RBMS3: variants seen among roughly 807,000 people sequenced by gnomAD.
RBMS3 encodes RNA-binding motif, single-stranded-interacting protein 3.
A neutral mutation model predicts 66.8 loss-of-function variants in RBMS3; 27 were observed. That is an observed-to-expected ratio of 0.40 (90% CI 0.30 to 0.56). The LOEUF is 0.56. Among genes scored for constraint, RBMS3 ranks in the 20% least tolerant of loss-of-function variants. The pLI, the probability that RBMS3 is intolerant of heterozygous loss-of-function variation, is 0.40. For synonymous variants in RBMS3, 188 were observed against 183.0 expected (o/e 1.03, Z -0.22); for missense variants, 513 against 549.5 (o/e 0.93, Z 0.66).
At chr3:29,553,070 C>T (rs183433437) in intron 3 of RBMS3, among the ~76,000 whole-genome samples, 198 of 152,254 alleles carry the variant, frequency 1.3e-3, no homozygotes, top group Non-Finnish European at 2.2e-3. Flanking sequence ...GCATTAAGTA[C>T]GTTCATATCT....
At chr3:29,992,450 G>A (rs928683325) in intron 14 of RBMS3, among the ~76,000 whole-genome samples, 1 of 152,120 alleles carries the variant, frequency 6.6e-6, no homozygotes, top group Non-Finnish European at 1.5e-5. Context: ...AGCTGGGCAT[G>A]GTGGCGGGTG....
intron 1 of RBMS3, among the ~76,000 whole-genome samples, chr3:29,291,779 G>T (rs192146428): frequency 3.3e-5 from 5 of 151,594 alleles, no homozygotes; most frequent in Non-Finnish European, 7.4e-5. Context: ...GAGAATCTAC[G>T]TGCCTTTTAA....
At chr3:29,697,070 CT>C (rs2052313980) in intron 4 of RBMS3, 2 of 985,142 alleles carry the variant, frequency 2.0e-6, no homozygotes, top group Non-Finnish European at 2.4e-6. Flanking sequence ...AATGCAGGGC[CT>C]GTGTGCTCAG....
chr3:29,856,271 A>T (rs1481365510), intron 6 of RBMS3, among the ~76,000 whole-genome samples: 1 of 152,168 alleles, frequency 6.6e-6, no homozygotes, highest in African/African-American at 2.4e-5. Context: ...ATTAATAATA[A>T]GTTATTTTAT....
At chr3:29,448,050 T>C (rs1471755988) in intron 2 of RBMS3, among the ~76,000 whole-genome samples, 4 of 152,198 alleles carry the variant, frequency 2.6e-5, no homozygotes, top group Non-Finnish European at 5.9e-5. Context: ...CTGATTCATG[T>C]TTCAACATCA....
intron 5 of RBMS3, among the ~76,000 whole-genome samples, chr3:29,762,585 T>C (rs1383532719): frequency 6.6e-6 from 1 of 152,146 alleles, no homozygotes; most frequent in East Asian, 1.9e-4. Flanking sequence ...TGCTAATTCA[T>C]CATTCAACAG....
At chr3:29,322,265 C>T (rs868772409) in intron 1 of RBMS3, among the ~76,000 whole-genome samples, 4 of 152,034 alleles carry the variant, frequency 2.6e-5, no homozygotes, top group Middle Eastern at 3.4e-3. Flanking sequence ...ACTACGGATA[C>T]GAGAAATTAA....
At chr3:29,579,295 G>A (rs1208446445) in intron 3 of RBMS3, among the ~76,000 whole-genome samples, 1 of 152,186 alleles carries the variant, frequency 6.6e-6, no homozygotes, top group Non-Finnish European at 1.5e-5. Flanking sequence ...GTACAAGCAT[G>A]CTTCCCAGGC....
chr3:29,946,494 G>A (rs1239997782), intron 12 of RBMS3, among the ~76,000 whole-genome samples: 1 of 151,480 alleles, frequency 6.6e-6, no homozygotes, highest in Admixed American at 6.6e-5. Flanking sequence ...AAGTACTGGG[G>A]ATACAAAGAT....
chr3:29,700,929 TGAA>T (rs945050911), intron 4 of RBMS3, among the ~76,000 whole-genome samples: 4 of 152,014 alleles, frequency 2.6e-5, no homozygotes, highest in Non-Finnish European at 4.4e-5. Flanking sequence ...TTTAGAAAGG[TGAA>T]GAAGTTGGAA....
chr3:29,648,885 A>T (rs1311690357), intron 4 of RBMS3, among the ~76,000 whole-genome samples: 2 of 152,162 alleles, frequency 1.3e-5, no homozygotes, highest in African/African-American at 2.4e-5. Flanking sequence ...AATTCATGTC[A>T]CTGAAATATC....
chr3:29,561,407 C>T (rs572885449), intron 3 of RBMS3, among the ~76,000 whole-genome samples: 26 of 151,694 alleles, frequency 1.7e-4, no homozygotes, highest in Non-Finnish European at 3.5e-4. Context: ...CCCTTTTTTC[C>T]ACAACCTTGC....
chr3:29,369,849 A>G (rs1398341257), intron 1 of RBMS3, among the ~76,000 whole-genome samples: 1 of 152,084 alleles, frequency 6.6e-6, no homozygotes, highest in Non-Finnish European at 1.5e-5. Flanking sequence ...ACACTCTCCA[A>G]TTCTACCCCG....
intron 1 of RBMS3, among the ~76,000 whole-genome samples, chr3:29,360,909 C>T (rs182014962): frequency 2.0e-4 from 30 of 152,022 alleles, no homozygotes; most frequent in African/African-American, 7.0e-4. Context: ...AGTGGATCTT[C>T]CCCCATCCCT....
intron 7 of RBMS3, among the ~76,000 whole-genome samples, chr3:29,872,622 A>G (rs1302040819): frequency 6.6e-6 from 1 of 152,160 alleles, no homozygotes; most frequent in African/African-American, 2.4e-5. Context: ...ACTTGTTGGT[A>G]TATTAAAATA....
chr3:29,741,115 G>A (rs1559624828), intron 5 of RBMS3, among the ~76,000 whole-genome samples: 1 of 151,720 alleles, frequency 6.6e-6, no homozygotes, highest in Non-Finnish European at 1.5e-5. Flanking sequence ...AAATCGTCAT[G>A]TATATGTTAA....
At chr3:29,541,657 G>A (rs559587407) in intron 3 of RBMS3, among the ~76,000 whole-genome samples, 1 of 152,204 alleles carries the variant, frequency 6.6e-6, no homozygotes, top group South Asian at 2.1e-4. Context: ...GACAACCTAA[G>A]GGGTCATGTC....
intron 3 of RBMS3, among the ~76,000 whole-genome samples, chr3:29,534,852 T>C (rs1332863492): frequency 6.6e-6 from 1 of 152,146 alleles, no homozygotes; most frequent in Non-Finnish European, 1.5e-5. Context: ...GAATTATAAC[T>C]GTAACATTAA....
intron 6 of RBMS3, among the ~76,000 whole-genome samples, chr3:29,828,977 ACTTTCTTT>A (rs368382303): frequency 0.13 from 12,796 of 97,820 alleles, 703 homozygotes; most frequent in Middle Eastern, 0.21. Flanking sequence ...TTAGCGAGTG[ACTTTCTTT>A]CTTTCTTTCT....
Sources: gnomAD v4.1 joint callset for allele counts (sites outside exome capture counted in the v4.1 genomes callset) on GRCh38, gnomAD v4.1.1 for gene constraint, MANE v1.5 for transcripts, NCBI Gene and HGNC (gene_info 2026-07-23, HGNC 2026-07-21) for gene names.